GRID2: variants seen among roughly 807,000 people sequenced by gnomAD.
The protein encoded by GRID2 is glutamate receptor ionotropic, delta-2.
GRID2 carries 33 observed loss-of-function variants against 114.8 expected under a neutral mutation model. The observed-to-expected ratio is 0.29, with a 90% confidence interval of 0.22 to 0.38. The LOEUF is 0.38. Among genes scored for constraint, GRID2 ranks in the 10% least tolerant of loss-of-function variants. The pLI, the probability that GRID2 is intolerant of heterozygous loss-of-function variation, is 1.00. For missense variants in GRID2, 1,184 were observed against 1,257.7 expected (o/e 0.94, Z 0.89); for synonymous variants, 505 against 449.9 (o/e 1.12, Z -1.55).
At chr4:93,141,712 A>G (rs920506399) in intron 4 of GRID2, among the ~76,000 whole-genome samples, 7 of 152,234 alleles carry the variant, frequency 4.6e-5, no homozygotes, top group African/African-American at 1.2e-4. Context: ...CTGACACTGG[A>G]CACATTTAAA....
intron 2 of GRID2, among the ~76,000 whole-genome samples, chr4:92,934,936 T>C (rs1458061593): frequency 2.0e-5 from 3 of 146,604 alleles, no homozygotes; most frequent in African/African-American, 7.3e-5. Flanking sequence ...ATAAAAACCC[T>C]AGAAGAAAAC....
At chr4:92,462,073 G>A (rs908033548) in intron 1 of GRID2, among the ~76,000 whole-genome samples, 21 of 152,148 alleles carry the variant, frequency 1.4e-4, no homozygotes, top group East Asian at 5.8e-4. Flanking sequence ...GTTTTGAAAT[G>A]TACTTCTTTA....
At chr4:92,465,955 A>T (rs1721730491) in intron 1 of GRID2, among the ~76,000 whole-genome samples, 1 of 151,930 alleles carries the variant, frequency 6.6e-6, no homozygotes, top group African/African-American at 2.4e-5. Context: ...GCAGAAGCTG[A>T]GAGTCTCACA....
intron 2 of GRID2, among the ~76,000 whole-genome samples, chr4:92,743,203 G>A (rs559962057): frequency 2.6e-5 from 4 of 152,298 alleles, no homozygotes; most frequent in Admixed American, 2.0e-4. Context: ...CTTCAGCCCA[G>A]GAGGTCAAGG....
chr4:93,173,503 A>T (rs1191159016), intron 4 of GRID2, among the ~76,000 whole-genome samples: 1 of 152,184 alleles, frequency 6.6e-6, no homozygotes, highest in Non-Finnish European at 1.5e-5. Flanking sequence ...TGCTTACTAA[A>T]GATTTTTAAA....
chr4:93,187,065 A>G (rs1055867543), intron 4 of GRID2, among the ~76,000 whole-genome samples: 2 of 152,148 alleles, frequency 1.3e-5, no homozygotes, highest in African/African-American at 4.8e-5. Flanking sequence ...TTTATAAGGG[A>G]CTAATCCCTT....
rs533435099 is a variant in GRID2, at chr4:93,584,264, A to C, written c.2194-42005A>C. Among the ~76,000 whole-genome samples, 21 of 152,264 alleles carry C rather than the reference A, an allele frequency of 1.4e-4. No homozygotes were observed. The South Asian group carries it at 4.4e-3, about 32-fold the overall frequency. On this transcript the variant is annotated intron_variant, in intron 13 of 15. Coordinates refer to ENST00000282020, the MANE Select transcript of GRID2 (RefSeq NM_001510.4). ...AAAGTAAACATAAGCCAACAAACAA[A>C]CTAGAAAGCAATATTGTCACTATAT...
chr4:92,616,007 TAAAG>T (rs960777076), intron 2 of GRID2, among the ~76,000 whole-genome samples: 15 of 151,800 alleles, frequency 9.9e-5, no homozygotes, highest in East Asian at 3.9e-4. Flanking sequence ...TTAAATCAGT[TAAAG>T]AAAAGAGAAA....
intron 14 of GRID2, among the ~76,000 whole-genome samples, chr4:93,671,327 T>C (rs900801977): frequency 6.6e-6 from 1 of 152,174 alleles, no homozygotes; most frequent in African/African-American, 2.4e-5. Flanking sequence ...TAAGTAAGTG[T>C]TACCCAAAAG....
intron 1 of GRID2, among the ~76,000 whole-genome samples, chr4:92,381,062 A>T (rs897783549): frequency 6.6e-6 from 1 of 152,020 alleles, no homozygotes; most frequent in Non-Finnish European, 1.5e-5. Flanking sequence ...GTGTCATGCA[A>T]TCTTAAGCCT....
At chr4:92,647,080 A>G (rs1293334299) in intron 2 of GRID2, among the ~76,000 whole-genome samples, 1 of 152,206 alleles carries the variant, frequency 6.6e-6, no homozygotes, top group Non-Finnish European at 1.5e-5. Flanking sequence ...ACTGAGAGGC[A>G]ATGTTTCCCA....
At chr4:93,034,095 G>A (rs1467291480) in intron 2 of GRID2, among the ~76,000 whole-genome samples, 2 of 152,150 alleles carry the variant, frequency 1.3e-5, no homozygotes, top group Admixed American at 1.3e-4. Flanking sequence ...GCTACCTACT[G>A]GGTTGATGTT....
chr4:93,324,182 G>A (rs1327338257), intron 8 of GRID2, among the ~76,000 whole-genome samples: 1 of 152,080 alleles, frequency 6.6e-6, no homozygotes, highest in Non-Finnish European at 1.5e-5. Flanking sequence ...TTGTCTGTGG[G>A]TTTGTCATAA....
At chr4:93,063,754 CCTGTAAG>C (rs1372026092) in intron 2 of GRID2, among the ~76,000 whole-genome samples, 9 of 151,658 alleles carry the variant, frequency 5.9e-5, no homozygotes, top group Non-Finnish European at 8.9e-5. Flanking sequence ...TCTAAGTAGA[CCTGTAAG>C]CATTAATATC....
chr4:92,620,501 C>A (rs923803598), intron 2 of GRID2, among the ~76,000 whole-genome samples: 1 of 151,610 alleles, frequency 6.6e-6, no homozygotes, highest in African/African-American at 2.4e-5. Context: ...ACGCTTCTAG[C>A]ATTTGGCATT....
chr4:92,740,682 TAGATAGATGATA>T (rs1452851878), intron 2 of GRID2, among the ~76,000 whole-genome samples: 1 of 78,392 alleles, frequency 1.3e-5, no homozygotes, highest in Non-Finnish European at 2.8e-5. Context: ...CATAGATAGA[TAGATAGATGATA>T]GATAGATAGA....
intron 13 of GRID2, among the ~76,000 whole-genome samples, chr4:93,590,020 G>A (rs968907783): frequency 6.7e-6 from 1 of 150,374 alleles, no homozygotes; most frequent in African/African-American, 2.4e-5. Flanking sequence ...TCACTCTGAT[G>A]GTAGTTTCTT....
chr4:93,764,982 A>G (rs1733525589), intron 14 of GRID2, among the ~76,000 whole-genome samples: 1 of 152,172 alleles, frequency 6.6e-6, no homozygotes, highest in Non-Finnish European at 1.5e-5. Flanking sequence ...ATTGTTGCTT[A>G]TAATTACAAG....
intron 13 of GRID2, among the ~76,000 whole-genome samples, chr4:93,601,385 A>G (rs954380376): frequency 7.2e-5 from 11 of 152,016 alleles, no homozygotes; most frequent in African/African-American, 2.4e-4. Context: ...AACATGTCCC[A>G]TTTTCATGCC....
Sources: gnomAD v4.1 joint callset for allele counts (sites outside exome capture counted in the v4.1 genomes callset) on GRCh38, gnomAD v4.1.1 for gene constraint, MANE v1.5 for transcripts, NCBI Gene and HGNC (gene_info 2026-07-23, HGNC 2026-07-21) for gene names.